Variants in GPC6 observed in about 807,000 individuals in gnomAD.
GPC6 encodes glypican 6.
A neutral mutation model predicts 55.2 loss-of-function variants in GPC6; 14 were observed. The observed-to-expected ratio is 0.25, with a 90% confidence interval of 0.17 to 0.40. The LOEUF (loss-of-function observed/expected upper bound fraction) is 0.40, where lower values mean the gene tolerates loss of function less well. Among genes scored for constraint, GPC6 ranks in the 10% least tolerant of loss-of-function variants. GPC6 has a pLI of 1.00. For missense variants in GPC6, 641 were observed against 708.5 expected (o/e 0.90, Z 1.08); for synonymous variants, 278 against 259.6 (o/e 1.07, Z -0.68).
intron 1 of GPC6, among the ~76,000 whole-genome samples, chr13:93,496,159 T>TGCTA (rs1269817354): frequency 6.6e-6 from 1 of 152,128 alleles, no homozygotes; most frequent in Non-Finnish European, 1.5e-5. Context: ...CAGACTGCTG[T>TGCTA]GCTAGCAATC....
At chr13:94,316,586 G>A (rs1465713368) in intron 6 of GPC6, among the ~76,000 whole-genome samples, 4 of 150,782 alleles carry the variant, frequency 2.7e-5, no homozygotes, top group Admixed American at 6.6e-5. Context: ...GCGTAGTGGC[G>A]GGCGCCTGTA....
At chr13:93,229,897 T>G (rs1875950970) in intron 1 of GPC6, among the ~76,000 whole-genome samples, 1 of 152,154 alleles carries the variant, frequency 6.6e-6, no homozygotes, top group Non-Finnish European at 1.5e-5. Flanking sequence ...GATATACTTG[T>G]TTTTTCAAAA....
intron 1 of GPC6, among the ~76,000 whole-genome samples, chr13:93,288,254 T>C (rs1207346479): frequency 6.6e-6 from 1 of 152,166 alleles, no homozygotes; most frequent in Non-Finnish European, 1.5e-5. Context: ...ACCTTAGAAA[T>C]CTGTGTGTTA....
intron 1 of GPC6, among the ~76,000 whole-genome samples, chr13:93,345,124 T>A (rs765713218): frequency 1.2e-4 from 18 of 152,174 alleles, no homozygotes; most frequent in Non-Finnish European, 2.4e-4. Flanking sequence ...GATTAAAATG[T>A]TGAGGGCTTG....
chr13:93,662,940 C>G (rs773094633), intron 2 of GPC6, among the ~76,000 whole-genome samples: 2 of 151,928 alleles, frequency 1.3e-5, no homozygotes, highest in Non-Finnish European at 2.9e-5. Flanking sequence ...GTCAGGTGAG[C>G]ATATCATTAT....
At chr13:94,258,064 T>C (rs1211865852) in intron 4 of GPC6, among the ~76,000 whole-genome samples, 1 of 152,198 alleles carries the variant, frequency 6.6e-6, no homozygotes, top group Non-Finnish European at 1.5e-5. Context: ...TGTAAAATAT[T>C]GAAAGACTTG....
chr13:94,333,090 C>T (rs1259275624), intron 6 of GPC6, among the ~76,000 whole-genome samples: 2 of 152,100 alleles, frequency 1.3e-5, no homozygotes, highest in African/African-American at 2.4e-5. Flanking sequence ...GAATTAATAT[C>T]GGTATACATT....
chr13:93,310,085 A>T (rs1879012143), intron 1 of GPC6, among the ~76,000 whole-genome samples: 1 of 152,312 alleles, frequency 6.6e-6, no homozygotes, highest in Non-Finnish European at 1.5e-5. Context: ...TACTATGTGA[A>T]TACACATTTC....
At chr13:93,331,634 T>C (rs1409989055) in intron 1 of GPC6, among the ~76,000 whole-genome samples, 2 of 74,864 alleles carry the variant, frequency 2.7e-5, no homozygotes, top group Non-Finnish European at 5.1e-5. Context: ...TTTTTCATCT[T>C]TTTTTTTCTG....
In GPC6 at chr13:94,392,415, A is replaced by AT. The variant is rs59173357; in HGVS notation, c.1290-6022dup. 1.5e-3 allele frequency among the ~76,000 whole-genome samples: 155 copies of AT among 105,662 alleles called. 1 individual carries two copies. Among genetic ancestry groups the AT allele is most frequent in the Middle Eastern group, 5.3e-3 (1 of 188 alleles). 69.3% of individuals were successfully genotyped at this position (105,662 alleles called of 152,430 possible). A position where few individuals can be genotyped will look rare whatever the true frequency, so the allele number is the denominator to read the frequency against. ...GGATCATATGGTAATTCTATTTTTA[A>AT]TTTTTTTTTTTTTTTTTTTTTTTTT... On this transcript the variant is annotated intron_variant, in intron 7 of 8. Coordinates refer to ENST00000377047, the MANE Select transcript of GPC6 (RefSeq NM_005708.5).
rs907424764 is a variant in GPC6, at chr13:93,478,349, A to G, written c.161-66914A>G. On this transcript the variant is annotated intron_variant, in intron 1 of 8. Transcript: ENST00000377047. ...TACAGGTTGAATAAATGACTACCTG[A>G]AATCCCCATTTACAAATTGGTCTGA... Among the ~76,000 whole-genome samples, 3 of 152,178 alleles carry G rather than the reference A, an allele frequency of 2.0e-5. No homozygotes were observed. The East Asian group carries it at 5.8e-4, about 29-fold the overall frequency.
chr13:94,405,867 A>G lies in GPC6; in HGVS notation c.*2650A>G, dbSNP rs1881346678. ...GTTTTTATCATCATACTACTATGTC[A>G]TATGATTTTCAGACTAATTTAACAT... is the stretch of plus-strand genomic sequence containing the variant. On this transcript the variant is annotated 3_prime_UTR_variant, in exon 9 of 9. Transcript: ENST00000377047. 1 of 152,182 alleles carries G rather than the reference A, an allele frequency of 6.6e-6. No homozygotes were observed. Among genetic ancestry groups the G allele is most frequent in the Non-Finnish European group, 1.5e-5 (1 of 68,020 alleles). 9.4% of individuals were successfully genotyped at this position (152,182 alleles called of 1,614,324 possible). A position where few individuals can be genotyped will look rare whatever the true frequency, so the allele number is the denominator to read the frequency against.
At chr13:93,460,017 G>A (rs891456229) in intron 1 of GPC6, among the ~76,000 whole-genome samples, 5 of 152,188 alleles carry the variant, frequency 3.3e-5, no homozygotes, top group African/African-American at 4.8e-5. Flanking sequence ...TCTAGGGTGT[G>A]TGTTCACCAT....
At chr13:94,370,603 T>C (rs1594213733) in intron 6 of GPC6, among the ~76,000 whole-genome samples, 1 of 152,264 alleles carries the variant, frequency 6.6e-6, no homozygotes, top group East Asian at 1.9e-4. Flanking sequence ...CATTTTCTTG[T>C]CTCATTAAAT....
At chr13:94,038,696 G>A (rs1315621695) in intron 4 of GPC6, among the ~76,000 whole-genome samples, 2 of 151,934 alleles carry the variant, frequency 1.3e-5, no homozygotes, top group Non-Finnish European at 2.9e-5. Flanking sequence ...CAAGGGTTAA[G>A]GCACATTCAC....
intron 2 of GPC6, among the ~76,000 whole-genome samples, chr13:93,829,050 A>T (rs900443349): frequency 6.6e-6 from 1 of 152,154 alleles, no homozygotes; most frequent in African/African-American, 2.4e-5. Flanking sequence ...AATATGCAGG[A>T]CTTGATTTGT....
intron 1 of GPC6, among the ~76,000 whole-genome samples, chr13:93,495,898 C>T (rs370675042): frequency 5.4e-5 from 8 of 147,326 alleles, no homozygotes; most frequent in East Asian, 4.2e-4. Flanking sequence ...TCTCCAGCTG[C>T]GTGCTGGGAG....
intron 4 of GPC6, among the ~76,000 whole-genome samples, chr13:94,090,778 C>T (rs9301935): frequency 6.6e-6 from 1 of 151,946 alleles, no homozygotes; most frequent in Non-Finnish European, 1.5e-5. Flanking sequence ...GCCCACATAA[C>T]AAGTGGAAGA....
chr13:93,506,614 G>A (rs1049258238), intron 1 of GPC6, among the ~76,000 whole-genome samples: 2 of 152,034 alleles, frequency 1.3e-5, no homozygotes, highest in East Asian at 3.9e-4. Context: ...GTACCCTAGA[G>A]GTCTTATAAT....
Sources: allele counts gnomAD v4.1 joint callset (sites outside exome capture counted in the v4.1 genomes callset), GRCh38; gene constraint gnomAD v4.1.1; transcripts MANE v1.5; gene names NCBI Gene and HGNC (gene_info 2026-07-23, HGNC 2026-07-21).